The following FBXW7 variants were observed in gnomAD, a reference collection of about 807,000 sequenced individuals.
The protein encoded by FBXW7 is F-box/WD repeat-containing protein 7.
FBXW7 carries 11 observed loss-of-function variants against 86.3 expected under a neutral mutation model. The ratio of observed to expected loss-of-function variants is 0.13; its 90% CI spans 0.08 to 0.21. The LOEUF (loss-of-function observed/expected upper bound fraction) is 0.21, where lower values mean the gene tolerates loss of function less well. Among genes scored for constraint, FBXW7 ranks in the 10% least tolerant of loss-of-function variants. The pLI is 1.00. For synonymous variants in FBXW7, 313 were observed against 297.9 expected, an observed-to-expected ratio of 1.05 and a Z score of -0.52; for missense variants, 488 against 847.4, an observed-to-expected ratio of 0.58 and a Z score of 5.27.
intron 2 of FBXW7, among the ~76,000 whole-genome samples, chr4:152,524,347 G>C (rs182608275): frequency 1.6e-4 from 25 of 152,238 alleles, no homozygotes; most frequent in Admixed American, 1.6e-3. Context: ...TAGCGAAATA[G>C]AGTCAATGAG....
intron 2 of FBXW7, among the ~76,000 whole-genome samples, chr4:152,458,749 C>T (rs527368879): frequency 2.6e-4 from 39 of 152,258 alleles, no homozygotes; most frequent in Middle Eastern, 6.8e-3. Flanking sequence ...AACTAACTTA[C>T]TTCTAACTGG....
At position 152,535,385 on chromosome 4, in the gene FBXW7, C is replaced by T; in HGVS notation, c.-471G>A. The T allele has an allele frequency of 5.2e-6, 2 of 381,952 alleles. No homozygotes were observed. Among genetic ancestry groups the T allele is most frequent in the Admixed American group, 4.5e-5 (1 of 22,130 alleles). The allele number at this position is 381,952 out of a possible 1,614,324, so 23.7% of individuals were successfully genotyped here. ...GCCGGCGACTGGCCAAGGGAGAAGA[C>T]CCCCGGAGGGGGCTGAGGGGAGGGG... On this transcript the variant is annotated 5_prime_UTR_variant, in exon 1 of 14. Coordinates refer to ENST00000281708, the MANE Select transcript of FBXW7 (RefSeq NM_001349798.2).
chr4:152,395,139 C>A (rs954081916), intron 4 of FBXW7, among the ~76,000 whole-genome samples: 1 of 152,060 alleles, frequency 6.6e-6, no homozygotes, highest in African/African-American at 2.4e-5. Flanking sequence ...ACAAACTACA[C>A]ACCAGTGTTT....
At chr4:152,520,094 C>T (rs1007247802) in intron 2 of FBXW7, among the ~76,000 whole-genome samples, 1 of 152,176 alleles carries the variant, frequency 6.6e-6, no homozygotes, top group African/African-American at 2.4e-5. Context: ...GATTCATACC[C>T]CTCTCCTTCC....
At chr4:152,426,676 G>A (rs1339481216) in intron 2 of FBXW7, among the ~76,000 whole-genome samples, 1 of 152,198 alleles carries the variant, frequency 6.6e-6, no homozygotes. Context: ...CCCAGCAGAT[G>A]AAAACGGGTA....
chr4:152,368,392 T>C (rs1733693839), intron 4 of FBXW7, among the ~76,000 whole-genome samples: 1 of 152,106 alleles, frequency 6.6e-6, no homozygotes, highest in Non-Finnish European at 1.5e-5. Flanking sequence ...GTGTGTGGGA[T>C]GCCCGTGTGT....
At chr4:152,420,681 G>T (rs1293461441) in intron 2 of FBXW7, among the ~76,000 whole-genome samples, 1 of 152,160 alleles carries the variant, frequency 6.6e-6, no homozygotes, top group Non-Finnish European at 1.5e-5. Flanking sequence ...CTCCATCAGA[G>T]TTCTTGGGTT....
At chr4:152,360,253 A>T (rs757717978) in intron 4 of FBXW7, among the ~76,000 whole-genome samples, 1 of 152,092 alleles carries the variant, frequency 6.6e-6, no homozygotes, top group African/African-American at 2.4e-5. Flanking sequence ...AAGACTGTTG[A>T]CTTTTTATTT....
chr4:152,522,753 T>G (rs1579427649), intron 2 of FBXW7, among the ~76,000 whole-genome samples: 2 of 152,236 alleles, frequency 1.3e-5, no homozygotes, highest in African/African-American at 4.8e-5. Context: ...TCTCATTTAC[T>G]TCGTTTAATA....
chr4:152,351,794 G>T (rs1440428368), intron 4 of FBXW7, among the ~76,000 whole-genome samples: 2 of 151,860 alleles, frequency 1.3e-5, no homozygotes, highest in Admixed American at 1.3e-4. Context: ...AAAAACATTG[G>T]TGCAAATACC....
intron 2 of FBXW7, among the ~76,000 whole-genome samples, chr4:152,485,544 C>A (rs1745262529): frequency 6.6e-6 from 1 of 152,094 alleles, no homozygotes; most frequent in Non-Finnish European, 1.5e-5. Context: ...AAGAAAAGAA[C>A]CTTGGTGTCA....
chr4:152,368,123 C>A (rs1733665194), intron 4 of FBXW7, among the ~76,000 whole-genome samples: 1 of 152,070 alleles, frequency 6.6e-6, no homozygotes. Context: ...CCTGTTCAAA[C>A]ACATGCCCCA....
At chr4:152,336,096 T>C (rs1454778927) in intron 7 of FBXW7, among the ~76,000 whole-genome samples, 2 of 152,178 alleles carry the variant, frequency 1.3e-5, no homozygotes, top group Non-Finnish European at 2.9e-5. Context: ...TCATTATTTA[T>C]CCACTTAGAC....
chr4:152,367,282 C>T lies in FBXW7; in HGVS notation c.502-17158G>A, dbSNP rs531537106. Among the ~76,000 whole-genome samples, 8 of 151,934 alleles carry T rather than the reference C, an allele frequency of 5.3e-5. No individual in the cohort carries two copies. In the South Asian group the frequency reaches 1.7e-3, roughly 31 times the overall value. ...CTAGAACTTAAAGTATAAAAAAAAA[C>T]TAGCTATACTTGTATACATTTCATA... is the stretch of plus-strand genomic sequence containing the variant. On this transcript the variant is annotated intron_variant, in intron 4 of 13. Coordinates refer to ENST00000281708, the MANE Select transcript of FBXW7 (RefSeq NM_001349798.2).
At chr4:152,398,576 AT>A (rs1190048934) in intron 4 of FBXW7, among the ~76,000 whole-genome samples, 1 of 152,102 alleles carries the variant, frequency 6.6e-6, no homozygotes, top group South Asian at 2.1e-4. Context: ...ACAATACTGA[AT>A]CTAAGGCAAA....
At chr4:152,398,080 A>C (rs1736579465) in intron 4 of FBXW7, among the ~76,000 whole-genome samples, 1 of 152,030 alleles carries the variant, frequency 6.6e-6, no homozygotes, top group Non-Finnish European at 1.5e-5. Flanking sequence ...AAAAAAAGCA[A>C]AAACAAAAAC....
intron 4 of FBXW7, among the ~76,000 whole-genome samples, chr4:152,371,278 G>C (rs1297193555): frequency 6.6e-6 from 1 of 151,728 alleles, no homozygotes; most frequent in Non-Finnish European, 1.5e-5. Flanking sequence ...ACCTTCCATA[G>C]TGGCATGGAA....
intron 8 of FBXW7, among the ~76,000 whole-genome samples, chr4:152,332,103 C>A (rs1292869184): frequency 6.6e-6 from 1 of 150,928 alleles, no homozygotes; most frequent in South Asian, 2.1e-4. Flanking sequence ...GGAAAAAAAA[C>A]AAAAACAAAA....
chr4:152,411,086 A>G, intron 4 of FBXW7: 2 of 817,148 alleles, frequency 2.4e-6, no homozygotes, highest in Non-Finnish European at 3.4e-6. Flanking sequence ...AATAGGCTCA[A>G]TTACTTTCCC....
Sources: allele counts gnomAD v4.1 joint callset (sites outside exome capture counted in the v4.1 genomes callset), GRCh38; gene constraint gnomAD v4.1.1; transcripts MANE v1.5; gene names NCBI Gene and HGNC (gene_info 2026-07-23, HGNC 2026-07-21).